The following IL1RAPL2 variants were observed in gnomAD, a reference collection of about 807,000 sequenced individuals.
IL1RAPL2 encodes interleukin 1 receptor accessory protein like 2, also known as X-linked interleukin-1 receptor accessory protein-like 2.
IL1RAPL2 carries 3 observed loss-of-function variants against 44.1 expected under a neutral mutation model. The ratio of observed to expected loss-of-function variants is 0.07; its 90% CI spans 0.03 to 0.18. The LOEUF (loss-of-function observed/expected upper bound fraction) is 0.18. Among genes scored for constraint, IL1RAPL2 ranks in the 10% least tolerant of loss-of-function variants. The pLI is 1.00. For missense variants in IL1RAPL2, 391 were observed against 496.4 expected, an observed-to-expected ratio of 0.79 and a Z score of 2.02; for synonymous variants, 181 against 178.8, an observed-to-expected ratio of 1.01 and a Z score of -0.10.
intron 2 of IL1RAPL2, among the ~76,000 whole-genome samples, chrX:105,132,774 T>G (rs74449825): frequency 1.8e-5 from 2 of 111,824 alleles, no homozygotes; most frequent in East Asian, 5.6e-4. Flanking sequence ...TTCTTTATAT[T>G]GTGATTAAAG....
chrX:105,489,769 TTTC>T (rs1362681592), intron 6 of IL1RAPL2, among the ~76,000 whole-genome samples: 2 of 89,997 alleles, frequency 2.2e-5, no homozygotes, highest in Non-Finnish European at 4.4e-5. Context: ...TCTTTCTTTC[TTTC>T]TTTTCTTTCT....
At chrX:104,872,198 G>A (rs1000218135) in intron 2 of IL1RAPL2, among the ~76,000 whole-genome samples, 4 of 111,748 alleles carry the variant, frequency 3.6e-5, no homozygotes, top group Non-Finnish European at 7.5e-5. Flanking sequence ...CTAAAGTGGC[G>A]GATAATAATT....
intron 5 of IL1RAPL2, among the ~76,000 whole-genome samples, chrX:105,443,231 G>C (rs1438097600): frequency 9.0e-6 from 1 of 111,673 alleles, no homozygotes; most frequent in East Asian, 2.8e-4. Flanking sequence ...TGGGTACATA[G>C]TAGCTGTATA....
intron 1 of IL1RAPL2, among the ~76,000 whole-genome samples, chrX:104,604,657 CAGG>C (rs1208545092): frequency 3.6e-3 from 225 of 62,657 alleles, no homozygotes; most frequent in African/African-American, 0.012. Flanking sequence ...AAAAAAAAAG[CAGG>C]AGCTGCAATC....
intron 1 of IL1RAPL2, among the ~76,000 whole-genome samples, chrX:104,617,721 T>C (rs1929306708): frequency 8.9e-6 from 1 of 112,150 alleles, no homozygotes; most frequent in Non-Finnish European, 1.9e-5. Context: ...CTTTTTAAAA[T>C]GTTTATCTCT....
At chrX:105,430,003 T>C (rs968812050) in intron 5 of IL1RAPL2, among the ~76,000 whole-genome samples, 4 of 111,383 alleles carry the variant, frequency 3.6e-5, no homozygotes, top group African/African-American at 1.3e-4. Flanking sequence ...CCAAATAAAA[T>C]AGAGAACAAA....
chrX:105,273,095 T>A (rs2034459769), intron 5 of IL1RAPL2, among the ~76,000 whole-genome samples: 1 of 111,576 alleles, frequency 9.0e-6, no homozygotes, highest in Non-Finnish European at 1.9e-5. Flanking sequence ...ATGTAATCTC[T>A]AAGCCAGCAA....
chrX:104,917,303 C>T (rs1047353143), intron 2 of IL1RAPL2, among the ~76,000 whole-genome samples: 5 of 111,671 alleles, frequency 4.5e-5, no homozygotes, highest in Non-Finnish European at 3.8e-5. Context: ...ATCTGAAAGG[C>T]TCAAAGTCTC....
chrX:105,321,071 G>A (rs1239206869), intron 5 of IL1RAPL2, among the ~76,000 whole-genome samples: 1 of 111,793 alleles, frequency 8.9e-6, no homozygotes, highest in Non-Finnish European at 1.9e-5. Context: ...CCTCTCCTGT[G>A]GCTATGGGTT....
rs747929543 is a variant in IL1RAPL2 at position 105,450,907 on chromosome X, A to AGTGTGTGTGT, written c.698-33380_698-33371dup. On this transcript the variant is annotated intron_variant, in intron 5 of 10. Transcript: ENST00000372582. ...AGACCACAACTCAGTCTTAGGTCCG[A>AGTGTGTGTGT]GTGTGTGTGTGTGTGTGTGTGTGTG... is the stretch of plus-strand genomic sequence containing the variant. Among the ~76,000 whole-genome samples, 362 of 94,155 alleles carry AGTGTGTGTGT rather than the reference A, an allele frequency of 3.8e-3. 5 individuals are homozygous for AGTGTGTGTGT. Among genetic ancestry groups the AGTGTGTGTGT allele is most frequent in the African/African-American group, 0.013 (340 of 26,046 alleles). The allele number at this position is 94,155 out of a possible 115,157, so 81.8% of individuals were successfully genotyped here.
intron 1 of IL1RAPL2, among the ~76,000 whole-genome samples, chrX:104,619,955 A>C (rs1229039754): frequency 1.8e-5 from 2 of 111,406 alleles, no homozygotes; most frequent in African/African-American, 6.5e-5. Context: ...ATAGATGAGA[A>C]TGTTAACCAG....
At chrX:105,117,150 A>G (rs1382827764) in intron 2 of IL1RAPL2, among the ~76,000 whole-genome samples, 1 of 112,399 alleles carries the variant, frequency 8.9e-6, no homozygotes, top group Non-Finnish European at 1.9e-5. Flanking sequence ...AAGTCTTAAA[A>G]AAGAACATAG....
chrX:105,070,341 G>A (rs1044839251), intron 2 of IL1RAPL2, among the ~76,000 whole-genome samples: 3 of 111,692 alleles, frequency 2.7e-5, no homozygotes, highest in African/African-American at 9.8e-5. Context: ...CATATCTTAA[G>A]GCAGTCTATT....
chrX:104,587,516 A>G (rs1403373191), intron 1 of IL1RAPL2, among the ~76,000 whole-genome samples: 7 of 111,852 alleles, frequency 6.3e-5, no homozygotes, highest in African/African-American at 2.3e-4. Flanking sequence ...AAGAATGTGC[A>G]TCCTTTGGGA....
At chrX:105,499,244 T>A (rs2147781578) in intron 6 of IL1RAPL2, among the ~76,000 whole-genome samples, 1 of 110,804 alleles carries the variant, frequency 9.0e-6, no homozygotes, top group East Asian at 2.9e-4. Context: ...CAACCCAAAA[T>A]GCATTAAAGA....
At chrX:105,140,289 CAT>C (rs2033114762) in intron 2 of IL1RAPL2, among the ~76,000 whole-genome samples, 2 of 112,463 alleles carry the variant, frequency 1.8e-5, no homozygotes, top group African/African-American at 6.5e-5. Flanking sequence ...TGCCCAATGA[CAT>C]ATGCTGAGAT....
chrX:105,642,648 C>T (rs1036762185), intron 6 of IL1RAPL2, among the ~76,000 whole-genome samples: 3 of 112,173 alleles, frequency 2.7e-5, no homozygotes, highest in East Asian at 5.6e-4. Flanking sequence ...TCCACAAAGA[C>T]GAATTTCTAC....
rs190727885 is a variant in IL1RAPL2, at chrX:104,810,537, A to C, written c.82+151542A>C. Among the ~76,000 whole-genome samples, 3 of 111,651 alleles carry C rather than the reference A, an allele frequency of 2.7e-5. No individual in the cohort carries two copies. In the Admixed American group the frequency reaches 2.9e-4, roughly 11 times the overall value. On this transcript the variant is annotated intron_variant, in intron 2 of 10. Transcript: ENST00000372582. ...TTTCTTTTCCTTCTATCATGAGGTCATCAATATTCTAGATAGAAGTAGCTC... is the reference window on the plus strand; with the variant it reads ...TTTCTTTTCCTTCTATCATGAGGTCCTCAATATTCTAGATAGAAGTAGCTC...
chrX:105,335,862 C>T (rs1234193798), intron 5 of IL1RAPL2, among the ~76,000 whole-genome samples: 2 of 111,489 alleles, frequency 1.8e-5, no homozygotes. Flanking sequence ...ATTGTGAATT[C>T]TGGTCTCACT....
Sources: gnomAD v4.1 joint callset for allele counts (sites outside exome capture counted in the v4.1 genomes callset) on GRCh38, gnomAD v4.1.1 for gene constraint, MANE v1.5 for transcripts, NCBI Gene and HGNC (gene_info 2026-07-23, HGNC 2026-07-21) for gene names.